CAMK1D: variants seen among roughly 807,000 people sequenced by gnomAD.
The protein encoded by CAMK1D is calcium/calmodulin-dependent protein kinase type 1D.
In CAMK1D, 9 loss-of-function variants were observed where a neutral mutation model predicts 47.7. The ratio of observed to expected loss-of-function variants is 0.19; its 90% CI spans 0.11 to 0.33. The LOEUF (loss-of-function observed/expected upper bound fraction) is 0.33. Among genes scored for constraint, CAMK1D ranks in the 10% least tolerant of loss-of-function variants. CAMK1D has a pLI of 1.00. For synonymous variants in CAMK1D, 184 were observed against 184.9 expected (o/e 0.99, Z 0.04); for missense variants, 291 against 488.7 (o/e 0.60, Z 3.81).
chr10:12,511,193 A>G (rs1455649641), intron 1 of CAMK1D, among the ~76,000 whole-genome samples: 1 of 152,172 alleles, frequency 6.6e-6, no homozygotes, highest in Non-Finnish European at 1.5e-5. Context: ...CTCTGCCTTT[A>G]TGGATTACCA....
At chr10:12,735,233 T>A (rs781571793) in intron 3 of CAMK1D, among the ~76,000 whole-genome samples, 1 of 152,180 alleles carries the variant, frequency 6.6e-6, no homozygotes, top group Non-Finnish European at 1.5e-5. Flanking sequence ...TCCCAGCACT[T>A]TGGGAGGCCG....
chr10:12,789,812 G>A (rs1248937693), intron 5 of CAMK1D, among the ~76,000 whole-genome samples: 3 of 152,222 alleles, frequency 2.0e-5, no homozygotes, highest in African/African-American at 7.2e-5. Context: ...CAAGTACTTT[G>A]TCAGCTCTAG....
intron 1 of CAMK1D, among the ~76,000 whole-genome samples, chr10:12,396,733 G>A (rs925140811): frequency 9.9e-5 from 15 of 152,170 alleles, no homozygotes; most frequent in African/African-American, 2.9e-4. Flanking sequence ...CCTTCTCCCC[G>A]CAGCAGCTGT....
intron 1 of CAMK1D, among the ~76,000 whole-genome samples, chr10:12,442,605 G>A (rs1832814782): frequency 1.3e-5 from 2 of 152,132 alleles, no homozygotes; most frequent in South Asian, 4.1e-4. Context: ...ACTGTTTTTA[G>A]TTTTTTTGTC....
At chr10:12,666,381 C>G (rs1392247112) in intron 2 of CAMK1D, among the ~76,000 whole-genome samples, 2 of 152,272 alleles carry the variant, frequency 1.3e-5, no homozygotes, top group Non-Finnish European at 2.9e-5. Context: ...GTGATGGCCA[C>G]TGGGAGACAA....
At position 12,601,751 on chromosome 10, in the gene CAMK1D, C is replaced by T. The variant is rs550533429; in HGVS notation, c.224+48395C>T. Among the ~76,000 whole-genome samples the T allele has an allele frequency of 2.6e-5, 4 of 152,312 alleles. No homozygotes were observed. In the East Asian group the frequency reaches 5.8e-4, roughly 22 times the overall value. On this transcript the variant is annotated intron_variant, in intron 2 of 10. Coordinates refer to ENST00000619168, the MANE Select transcript of CAMK1D (RefSeq NM_153498.4). The stretch of plus-strand genomic sequence containing the variant: ...TGTTGGGATTACAGACATGAGCCAT[C>T]GTGCCCAGCCTCAGTTCATTTCTTA...
intron 3 of CAMK1D, among the ~76,000 whole-genome samples, chr10:12,736,973 GT>G (rs1219770561): frequency 1.3e-5 from 2 of 152,096 alleles, no homozygotes; most frequent in East Asian, 3.9e-4. Context: ...TTGCCCCAAG[GT>G]TGCTTCATTC....
intron 5 of CAMK1D, among the ~76,000 whole-genome samples, chr10:12,774,897 C>A (rs896456729): frequency 6.6e-6 from 1 of 152,268 alleles, no homozygotes; most frequent in East Asian, 1.9e-4. Context: ...ATCCTTGAAA[C>A]AATTGTCTTC....
At chr10:12,818,863 T>C (rs900326974) in intron 8 of CAMK1D, among the ~76,000 whole-genome samples, 7 of 152,116 alleles carry the variant, frequency 4.6e-5, no homozygotes, top group African/African-American at 1.2e-4. Flanking sequence ...AGTGGACAGT[T>C]GTGATTGTGT....
chr10:12,582,286 A>G (rs1050110826), intron 2 of CAMK1D, among the ~76,000 whole-genome samples: 3 of 152,228 alleles, frequency 2.0e-5, no homozygotes, highest in East Asian at 1.9e-4. Context: ...TTGGGTGACT[A>G]TGGCCTTATA....
At chr10:12,491,808 GAC>G (rs1834392537) in intron 1 of CAMK1D, among the ~76,000 whole-genome samples, 1 of 152,008 alleles carries the variant, frequency 6.6e-6, no homozygotes, top group Non-Finnish European at 1.5e-5. Context: ...TTGTTTTTGA[GAC>G]AGAGTCTCAC....
intron 9 of CAMK1D, among the ~76,000 whole-genome samples, chr10:12,825,172 T>TGAGATTTGAAAATAGTTTTTATTTTCA (rs1319464570): frequency 6.6e-6 from 1 of 152,276 alleles, no homozygotes. Flanking sequence ...AAAATTGCCA[T>TGAGATTTGAAAATAGTTTTTATTTTCA]TACTTTTGCA....
chr10:12,416,422 C>T (rs1371455815), intron 1 of CAMK1D, among the ~76,000 whole-genome samples: 1 of 152,146 alleles, frequency 6.6e-6, no homozygotes, highest in Non-Finnish European at 1.5e-5. Flanking sequence ...TTGCTGGTTG[C>T]ACATAAAATT....
At chr10:12,587,054 A>G (rs1462739385) in intron 2 of CAMK1D, among the ~76,000 whole-genome samples, 1 of 152,098 alleles carries the variant, frequency 6.6e-6, no homozygotes, top group Non-Finnish European at 1.5e-5. Flanking sequence ...GCATCTTCCC[A>G]TTAGCGGTTT....
At chr10:12,798,476 G>T (rs1223684582) in intron 6 of CAMK1D, among the ~76,000 whole-genome samples, 1 of 152,180 alleles carries the variant, frequency 6.6e-6, no homozygotes, top group Non-Finnish European at 1.5e-5. Context: ...TGGTGGGGCA[G>T]CTCCTAGAAC....
At chr10:12,475,198 C>T (rs74435173) in intron 1 of CAMK1D, among the ~76,000 whole-genome samples, 1,810 of 152,150 alleles carry the variant, frequency 0.012, 42 homozygotes, top group African/African-American at 0.04. Context: ...CACATTATTG[C>T]GCAACCATCA....
At chr10:12,721,678 C>A (rs1207228804) in intron 3 of CAMK1D, among the ~76,000 whole-genome samples, 1 of 152,158 alleles carries the variant, frequency 6.6e-6, no homozygotes, top group Non-Finnish European at 1.5e-5. Flanking sequence ...CAGAGGGTAA[C>A]CCGTAGTAAC....
chr10:12,534,192 A>G (rs536389847), intron 1 of CAMK1D, among the ~76,000 whole-genome samples: 5 of 151,922 alleles, frequency 3.3e-5, no homozygotes, highest in South Asian at 2.1e-4. Context: ...CTATCTGTCT[A>G]TCTATCTATC....
intron 3 of CAMK1D, among the ~76,000 whole-genome samples, chr10:12,735,519 A>C (rs1017977409): frequency 7.9e-5 from 12 of 151,966 alleles, no homozygotes; most frequent in African/African-American, 2.2e-4. Flanking sequence ...CAATTCAGGG[A>C]GCAAGAAGCG....
Sources: allele counts gnomAD v4.1 joint callset (sites outside exome capture counted in the v4.1 genomes callset), GRCh38; gene constraint gnomAD v4.1.1; transcripts MANE v1.5; gene names NCBI Gene and HGNC (gene_info 2026-07-23, HGNC 2026-07-21).